UPF2: variants seen among roughly 807,000 people sequenced by gnomAD.
The protein encoded by UPF2 is UPF2 regulator of nonsense mediated mRNA decay.
In UPF2, 17 loss-of-function variants were observed where a neutral mutation model predicts 141.4. That is an observed-to-expected ratio of 0.12 (90% CI 0.08 to 0.18). The LOEUF is 0.18. UPF2 is among the 10% of genes least tolerant of loss of function. The pLI is 1.00. For missense variants in UPF2, 1,152 were observed against 1,515.9 expected, an observed-to-expected ratio of 0.76 and a Z score of 3.99; for synonymous variants, 540 against 498.0, an observed-to-expected ratio of 1.08 and a Z score of -1.12.
At chr10:12,039,624 T>C (rs7077941) in intron 1 of UPF2, among the ~76,000 whole-genome samples, 47,049 of 136,216 alleles carry the variant, frequency 0.35, 9,370 homozygotes, top group Non-Finnish European at 0.47. Flanking sequence ...CTCTCTCTCT[T>C]TTTTTTTTTT....
At chr10:11,925,070 C>G (rs552246517) in intron 21 of UPF2, among the ~76,000 whole-genome samples, 1 of 152,096 alleles carries the variant, frequency 6.6e-6, no homozygotes, top group South Asian at 2.1e-4. Context: ...CTGCCTTCCT[C>G]GGCCCCCCAA....
intron 1 of UPF2, among the ~76,000 whole-genome samples, chr10:12,038,037 C>G (rs1834663673): frequency 6.6e-6 from 1 of 152,134 alleles, no homozygotes; most frequent in Non-Finnish European, 1.5e-5. Context: ...TAGTTAACCC[C>G]ACTGGTAAAA....
rs377216329 is a variant in UPF2 at position 11,959,261 on chromosome 10, A to G, written c.2280T>C (p.Ala760=). The G allele has an allele frequency of 3.7e-6, 6 of 1,613,232 alleles. No individual in the cohort carries two copies. The African/African-American group carries it at 6.7e-5, about 18-fold the overall frequency. ...NAYYYCNPPP[A]EKTVKKKRPP... ...GACGTTTCTTTTTCACGGTTTTTTCAGCTGGAGGTGGGTTGCAGTAGTAAT... is the reference window on the plus strand; with the variant it reads ...GACGTTTCTTTTTCACGGTTTTTTCGGCTGGAGGTGGGTTGCAGTAGTAAT... Residue 760 remains alanine, a synonymous_variant, in exon 12 of 22, where the codon GCT becomes GCC. Transcript: ENST00000357604. This position sits in a 1 kb window ranked among gnomAD's most constrained non-coding sequence, Gnocchi z 5.9.
intron 8 of UPF2, among the ~76,000 whole-genome samples, chr10:11,991,269 G>C (rs1447073981): frequency 6.6e-6 from 1 of 152,080 alleles, no homozygotes; most frequent in Admixed American, 6.6e-5. Context: ...AAGAGTAGTA[G>C]AGGGAAAAGA....
In UPF2 at chr10:11,955,211, TGA is replaced by T; in HGVS notation, c.2850+19_2850+20del. ...TGCAATATGTTAAATGATGCCAAAC[TGA>T]ATATTTCAGCTTATATACCTGAAAA... is the stretch of plus-strand genomic sequence containing the variant. On this transcript the variant is annotated intron_variant, in intron 14 of 21. Transcript: ENST00000357604. 1 of 1,550,058 alleles carries T rather than the reference TGA, an allele frequency of 6.5e-7. No homozygotes were observed. Among genetic ancestry groups the T allele is most frequent in the South Asian group, 1.3e-5 (1 of 78,660 alleles).
In UPF2 at chr10:11,980,883, G is replaced by T. The variant is rs910334405; in HGVS notation, c.1845-1718C>A. On this transcript the variant is annotated intron_variant, in intron 8 of 21. Coordinates refer to ENST00000357604, the MANE Select transcript of UPF2 (RefSeq NM_015542.4). This position sits in a 1 kb window ranked among gnomAD's most constrained non-coding sequence, Gnocchi z 4.2. ...GCTAAAGGGACACTGAAAAAAGAAGGATGGAAATAAATTTGAAAGGTATGG... is the reference window on the plus strand; with the variant it reads ...GCTAAAGGGACACTGAAAAAAGAAGTATGGAAATAAATTTGAAAGGTATGG... Among the ~76,000 whole-genome samples, 1 of 152,018 alleles carries T rather than the reference G, an allele frequency of 6.6e-6. No individual in the cohort carries two copies. Among genetic ancestry groups the T allele is most frequent in the African/African-American group, 2.4e-5 (1 of 41,392 alleles).
In UPF2 at chr10:12,042,794, A is replaced by G. The variant is rs1486594398; in HGVS notation, c.-58T>C. On this transcript the variant is annotated 5_prime_UTR_variant, in exon 1 of 22. Coordinates refer to ENST00000357604, the MANE Select transcript of UPF2 (RefSeq NM_015542.4). The surrounding 1 kb of genome is among the most constrained non-coding windows in gnomAD (Gnocchi z 5.5). Reference sequence around the variant, plus strand: ...CAACATTAGCCCCGGGTTTCCCAGCACCAACTCCAGCGCTCGGGCTCTCCC... The same window carrying G: ...CAACATTAGCCCCGGGTTTCCCAGCGCCAACTCCAGCGCTCGGGCTCTCCC... 1 of 151,216 alleles carries G rather than the reference A, an allele frequency of 6.6e-6. No homozygotes were observed. The highest frequency in any genetic ancestry group is 2.4e-5 in the African/African-American group (1 of 41,064). 9.4% of individuals were successfully genotyped at this position (151,216 alleles called of 1,614,324 possible). A position where few individuals can be genotyped will look rare whatever the true frequency, so the allele number is the denominator to read the frequency against.
At chr10:12,008,185 A>T (rs1240919059) in intron 4 of UPF2, among the ~76,000 whole-genome samples, 2 of 152,060 alleles carry the variant, frequency 1.3e-5, no homozygotes, top group Non-Finnish European at 2.9e-5. Context: ...TACAAGGGGA[A>T]AAAGGACAGG....
chr10:12,016,048 T>G lies in UPF2; in HGVS notation c.1146-1864A>C, dbSNP rs1834213790. ...CTACTGTTACAAACACAAACAAAAT[T>G]TTTTCAGTAATTTTGTGAATGAATT... On this transcript the variant is annotated intron_variant, in intron 3 of 21. Coordinates refer to ENST00000357604, the MANE Select transcript of UPF2 (RefSeq NM_015542.4). The surrounding 1 kb of genome is among the most constrained non-coding windows in gnomAD (Gnocchi z 4.1). Among the ~76,000 whole-genome samples, 1 of 152,074 alleles carries G rather than the reference T, an allele frequency of 6.6e-6. No individual in the cohort carries two copies. The highest frequency in any genetic ancestry group is 2.4e-5 in the African/African-American group (1 of 41,410).
rs752810366 is a variant in UPF2 at position 11,959,136 on chromosome 10, G to T, written c.2370+35C>A. 6.5e-7 allele frequency: 1 copy of T among 1,536,880 alleles called. No homozygotes were observed. The highest frequency in any genetic ancestry group is 8.7e-7 in the Non-Finnish European group (1 of 1,148,352). ...AGCTTAGCACTACCACAAATCTCAC[G>T]TTAACTATTAACTGCATGATTTCAT... On this transcript the variant is annotated intron_variant, in intron 12 of 21. Coordinates refer to ENST00000357604, the MANE Select transcript of UPF2 (RefSeq NM_015542.4). The surrounding 1 kb of genome is among the most constrained non-coding windows in gnomAD (Gnocchi z 5.9).
intron 2 of UPF2, among the ~76,000 whole-genome samples, chr10:12,033,245 G>A (rs1014423478): frequency 6.6e-6 from 1 of 152,000 alleles, no homozygotes; most frequent in South Asian, 2.1e-4. Flanking sequence ...TTCCAAAAAC[G>A]ATTTTTTAGG....
At chr10:12,000,039 A>T (rs1332522054) in intron 6 of UPF2, 30 bp from the exon 7 acceptor site, 5 of 956,274 alleles carry the variant, frequency 5.2e-6, no homozygotes, top group African/African-American at 3.5e-5. Flanking sequence ...TAAATAGGTT[A>T]AAAAAAAAAG....
At position 11,955,454 on chromosome 10, in the gene UPF2, T is replaced by C; in HGVS notation, c.2628A>G (p.Gly876=). 1 of 1,614,144 alleles carries C rather than the reference T, an allele frequency of 6.2e-7. No individual in the cohort carries two copies. Among genetic ancestry groups the C allele is most frequent in the Non-Finnish European group, 8.5e-7 (1 of 1,180,000 alleles). ...QRRISSAKFL[G]ELYNYRMVES... ...CCACCATTCGGTAATTGTAAAGTTCTCCTAAGAACTTGGCACTGCTGATGC... is the reference window on the plus strand; with the variant it reads ...CCACCATTCGGTAATTGTAAAGTTCCCCTAAGAACTTGGCACTGCTGATGC... Residue 876 remains glycine (G), a synonymous_variant, in exon 14 of 22, where the codon GGA becomes GGG. Coordinates refer to ENST00000357604, the MANE Select transcript of UPF2 (RefSeq NM_015542.4).
chr10:11,966,459 T>C (rs1833321912), intron 10 of UPF2, among the ~76,000 whole-genome samples: 1 of 152,194 alleles, frequency 6.6e-6, no homozygotes, highest in Non-Finnish European at 1.5e-5. Context: ...ACTTTCACTC[T>C]TGTTACCCAG....
intron 21 of UPF2, among the ~76,000 whole-genome samples, chr10:11,929,620 G>A (rs1049917866): frequency 2.6e-5 from 4 of 152,064 alleles, no homozygotes; most frequent in Admixed American, 6.6e-5. Flanking sequence ...CAGCCTGGAC[G>A]ACAGAGCAAG....
chr10:12,025,954 C>T (rs1834412306), intron 3 of UPF2, among the ~76,000 whole-genome samples: 1 of 152,180 alleles, frequency 6.6e-6, no homozygotes, highest in African/African-American at 2.4e-5. Context: ...CCACCACACC[C>T]AGCTAATTTT....
chr10:12,018,890 T>G (rs920418309), intron 3 of UPF2, among the ~76,000 whole-genome samples: 7 of 152,214 alleles, frequency 4.6e-5, no homozygotes, highest in African/African-American at 7.2e-5. Flanking sequence ...GGTTTTCAGT[T>G]TAATTGTTTT....
At chr10:12,033,183 C>A (rs546898541) in intron 2 of UPF2, among the ~76,000 whole-genome samples, 6 of 152,148 alleles carry the variant, frequency 3.9e-5, no homozygotes, top group East Asian at 1.9e-4. Context: ...GTGGGAGGAT[C>A]GCTTGAGCTC....
intron 8 of UPF2, among the ~76,000 whole-genome samples, chr10:11,991,569 T>A (rs573523503): frequency 6.6e-6 from 1 of 152,062 alleles, no homozygotes; most frequent in Admixed American, 6.6e-5. Flanking sequence ...ATTTACTTGA[T>A]TAATTAGAGA....
Sources: gnomAD v4.1 joint callset for allele counts (sites outside exome capture counted in the v4.1 genomes callset) on GRCh38, gnomAD v4.1.1 for gene constraint, Gnocchi (gnomAD v3.1) non-coding constraint, MANE v1.5 for transcripts, NCBI Gene and HGNC (gene_info 2026-07-23, HGNC 2026-07-21) for gene names.